The following HSPA14 variants were observed in gnomAD, a reference collection of about 807,000 sequenced individuals.
HSPA14 encodes the protein heat shock protein family A (Hsp70) member 14, also known as heat shock 70 kDa protein 14.
In HSPA14, 37 loss-of-function variants were observed where a neutral mutation model predicts 65.5. The observed-to-expected ratio is 0.56, with a 90% CI of 0.43 to 0.74. The LOEUF is 0.74. HSPA14 is among the 30% of genes least tolerant of loss of function. HSPA14 has a pLI of 0.00. For synonymous variants in HSPA14, 203 were observed against 214.2 expected (o/e 0.95, Z 0.46); for missense variants, 564 against 607.6 (o/e 0.93, Z 0.75).
intron 12 of HSPA14, among the ~76,000 whole-genome samples, chr10:14,868,654 G>C (rs1355414291): frequency 6.6e-6 from 1 of 152,140 alleles, no homozygotes; most frequent in African/African-American, 2.4e-5. Flanking sequence ...CATTTATACA[G>C]AAAATATCTA....
Position 14,870,669 on chromosome 10 carries a change from T to TA in HSPA14, c.1451+8dup. On this transcript the variant is annotated splice_region_variant and intron_variant, in intron 13 of 13. Coordinates refer to ENST00000378372, the MANE Select transcript of HSPA14 (RefSeq NM_016299.4). ...ATTAGCTGTTCTTACTATGAAAAGG[T>TA]AAAAAATTAAACTTCTGTTGTTAAG... 6.4e-7 allele frequency: 1 copy of TA among 1,557,746 alleles called. No individual in the cohort carries two copies. The highest frequency in any genetic ancestry group is 1.4e-5 in the African/African-American group (1 of 73,110).
Position 14,867,803 on chromosome 10 carries a change from G to T in HSPA14, c.1274G>T (p.Arg425Leu), listed in dbSNP as rs369860646. Residue 425 changes from arginine (R) to leucine (L), a missense_variant, in exon 12 of 14, where the codon CGA becomes CTA. By Grantham distance (102) the Arg-to-Leu change is moderately radical (BLOSUM62 -2). Coordinates refer to ENST00000378372, the MANE Select transcript of HSPA14 (RefSeq NM_016299.4). ...LFPSGTPLPA[R>L]RQHTLQAPGS... ...CCATCAGGGACTCCTTTGCCAGCTC[G>T]AAGACAACACACATTGCAAGCCCCT... 2 of 1,614,068 alleles carry T rather than the reference G, an allele frequency of 1.2e-6. No homozygotes were observed. The highest frequency in any genetic ancestry group is 3.3e-5 in the Admixed American group (2 of 60,012).
Position 14,867,857 on chromosome 10 carries a change from T to C in HSPA14, c.1328T>C (p.Leu443Pro). 1 of 1,614,106 alleles carries C rather than the reference T, an allele frequency of 6.2e-7. No individual in the cohort carries two copies. The highest frequency in any genetic ancestry group is 8.5e-7 in the Non-Finnish European group (1 of 1,180,004). The change falls in exon 12 of 14, where the codon CTC becomes CCC. Residue 443 changes from leucine (L) to proline (P), a missense_variant. Coordinates refer to ENST00000378372, the MANE Select transcript of HSPA14 (RefSeq NM_016299.4). ...PGSISSVCLELYESDGKNSAK... is the reference protein window; with the variant it reads ...PGSISSVCLEPYESDGKNSAK... ...AGCATATCTTCAGTGTGCCTTGAACTCTATGAGTCTGATGGGAAGAACTCT... is the reference window on the plus strand; with the variant it reads ...AGCATATCTTCAGTGTGCCTTGAACCCTATGAGTCTGATGGGAAGAACTCT...
intron 3 of HSPA14, chr10:14,845,621 TCTCAC>T: frequency 1.2e-6 from 1 of 818,248 alleles, no homozygotes; most frequent in Non-Finnish European, 1.5e-6. Flanking sequence ...TGAGAAAAAG[TCTCAC>T]TGTTTTGCCC....
In HSPA14 at chr10:14,871,604, T is replaced by TA. The variant is rs1271437123; in HGVS notation, c.1529dup (p.Ter510=). ...CEAISIEIAS[*] The stretch of plus-strand genomic sequence containing the variant: ...AGCAATCTCTATTGAGATAGCATCT[T>TA]AGTGTTTTAGAGAAATCAAGAATTT... Residue 510 remains the stop codon, a frameshift_variant and stop_retained_variant, in exon 14 of 14, where the codon TAG becomes TAAG. Transcript: ENST00000378372. LOFTEE classifies it high-confidence loss of function. The TA allele has an allele frequency of 4.6e-6, 7 of 1,534,090 alleles. No individual in the cohort carries two copies. Among genetic ancestry groups the TA allele is most frequent in the African/African-American group, 1.4e-5 (1 of 72,718 alleles).
chr10:14,844,587 TTC>T (rs902855975), intron 3 of HSPA14: 1 of 985,362 alleles, frequency 1.0e-6, no homozygotes, highest in Non-Finnish European at 1.2e-6. Context: ...CAAACCGTCT[TTC>T]TCTCCTTCAT....
rs765992437 is a variant in HSPA14 at position 14,867,719 on chromosome 10, T to C, written c.1207-17T>C. On this transcript the variant is annotated splice_polypyrimidine_tract_variant and intron_variant, in intron 11 of 13. Transcript: ENST00000378372. Reference sequence around the variant, plus strand: ...GATAAATACCAAAGAGTATGCACCTTGTTTCCTGCTAACTAGGGTGTGGAC... The same window carrying C: ...GATAAATACCAAAGAGTATGCACCTCGTTTCCTGCTAACTAGGGTGTGGAC... The C allele has an allele frequency of 1.9e-5, 30 of 1,605,466 alleles. No individual in the cohort carries two copies. The highest frequency in any genetic ancestry group is 2.5e-5 in the Non-Finnish European group (29 of 1,176,950).
At chr10:14,845,240 G>A in intron 3 of HSPA14, 3 of 985,032 alleles carry the variant, frequency 3.0e-6, no homozygotes, top group Non-Finnish European at 3.6e-6. Flanking sequence ...GATTTACTTA[G>A]TACTTTTAGG....
chr10:14,861,741 C>T (rs181593185), intron 10 of HSPA14, among the ~76,000 whole-genome samples: 179 of 152,190 alleles, frequency 1.2e-3, no homozygotes, highest in Non-Finnish European at 2.1e-3. Context: ...CAGCCAGGCT[C>T]GGTAGCTCAC....
intron 3 of HSPA14, chr10:14,846,860 T>A (rs1396785411): frequency 2.0e-6 from 2 of 985,254 alleles, no homozygotes; most frequent in Admixed American, 1.2e-4. Context: ...CTAATAAAGG[T>A]TGTGATACAC....
At chr10:14,841,427 ATGCTGC>A (rs1292693972) in intron 3 of HSPA14, among the ~76,000 whole-genome samples, 1 of 152,174 alleles carries the variant, frequency 6.6e-6, no homozygotes, top group Non-Finnish European at 1.5e-5. Context: ...GCAGTTTCCC[ATGCTGC>A]TGTGTAAGAA....
rs111379658 is a variant in HSPA14 at position 14,842,919 on chromosome 10, G to A, written c.221+2762G>A. On this transcript the variant is annotated intron_variant, in intron 3 of 13. Transcript: ENST00000378372. The surrounding 1 kb of genome is among the most constrained non-coding windows in gnomAD (Gnocchi z 5.2). ...CTAAACATTTAGCTGTGTCTGTTTG[G>A]ATAGTGTCCTCTTCAGCATAGTTCC... The A allele has an allele frequency of 1.9e-6, 2 of 1,074,894 alleles. No individual in the cohort carries two copies. Among genetic ancestry groups the A allele is most frequent in the South Asian group, 1.6e-5 (1 of 61,280 alleles). 66.6% of individuals were successfully genotyped at this position (1,074,894 alleles called of 1,614,324 possible). A position where few individuals can be genotyped will look rare whatever the true frequency, so the allele number is the denominator to read the frequency against.
rs1170036863 is a variant in HSPA14, at chr10:14,871,623, A to G, written c.*17A>G. The G allele has an allele frequency of 7.1e-7, 1 of 1,410,218 alleles. No individual in the cohort carries two copies. Among genetic ancestry groups the G allele is most frequent in the East Asian group, 2.3e-5 (1 of 43,520 alleles). The allele number at this position is 1,410,218 out of a possible 1,614,324, so 87.4% of individuals were successfully genotyped here. ...GCATCTTAGTGTTTTAGAGAAATCA[A>G]GAATTTTTAAAAACAAGAATATCAA... On this transcript the variant is annotated 3_prime_UTR_variant, in exon 14 of 14. Transcript: ENST00000378372.
intron 3 of HSPA14, chr10:14,843,494 G>A: frequency 6.4e-7 from 1 of 1,550,602 alleles, no homozygotes; most frequent in Non-Finnish European, 8.7e-7. Flanking sequence ...CCCTGCACCA[G>A]CACCAACCGC....
rs748099746 is a variant in HSPA14, at chr10:14,867,909, G to A, written c.1380G>A (p.Gln460=). 6 of 1,610,800 alleles carry A rather than the reference G, an allele frequency of 3.7e-6. No individual in the cohort carries two copies. In the Admixed American group the frequency reaches 8.5e-5, roughly 23 times the overall value. Reference sequence around the variant, plus strand: ...CCAAAGAGGAAACCAAGTTTGCACAGGTGAATACATAAAGTTAGACACATT... The same window carrying A: ...CCAAAGAGGAAACCAAGTTTGCACAAGTGAATACATAAAGTTAGACACATT... ...NSAKEETKFA[Q]VVLQDLDKKE... The change falls in exon 12 of 14, where the codon CAG becomes CAA. Residue 460 remains glutamine (Q), a splice_region_variant and synonymous_variant. Coordinates refer to ENST00000378372, the MANE Select transcript of HSPA14 (RefSeq NM_016299.4).
rs550791981 is a variant in HSPA14, at chr10:14,849,587, A to G, written c.377-134A>G. ...TCAGAGCGCAGAGAAGAAAATTGAC[A>G]CGGGGGCGGGGTGGGCAAGCAAGTG... On this transcript the variant is annotated intron_variant, in intron 5 of 13. Coordinates refer to ENST00000378372, the MANE Select transcript of HSPA14 (RefSeq NM_016299.4). 14 of 737,850 alleles carry G rather than the reference A, an allele frequency of 1.9e-5. No homozygotes were observed. The East Asian group carries it at 3.8e-4, about 20-fold the overall frequency. 45.7% of individuals were successfully genotyped at this position (737,850 alleles called of 1,614,324 possible). A position where few individuals can be genotyped will look rare whatever the true frequency, so the allele number is the denominator to read the frequency against.
Position 14,842,499 on chromosome 10 carries a change from T to C in HSPA14, c.221+2342T>C. On this transcript the variant is annotated intron_variant, in intron 3 of 13. Transcript: ENST00000378372. This position sits in a 1 kb window ranked among gnomAD's most constrained non-coding sequence, Gnocchi z 5.2. ...TCCAAGTTTAAAGTTCTGAAGGCAT[T>C]ATATTTAAAGGCCTATGTTGCCCAT... The C allele has an allele frequency of 6.5e-7, 1 of 1,536,138 alleles. No individual in the cohort carries two copies. The highest frequency in any genetic ancestry group is 1.2e-5 in the South Asian group (1 of 84,060).
Position 14,840,058 on chromosome 10 carries a change from A to G in HSPA14, c.139-17A>G. The G allele has an allele frequency of 8.4e-7, 1 of 1,184,152 alleles. No homozygotes were observed. The highest frequency in any genetic ancestry group is 1.1e-6 in the Non-Finnish European group (1 of 895,108). 73.4% of individuals were successfully genotyped at this position (1,184,152 alleles called of 1,614,324 possible). A position where few individuals can be genotyped will look rare whatever the true frequency, so the allele number is the denominator to read the frequency against. On this transcript the variant is annotated splice_polypyrimidine_tract_variant and intron_variant, in intron 2 of 13. Transcript: ENST00000378372. ...TACATTGTAATATATATATATATAT[A>G]TTATTTTTTTTTTCAGATTGTTGGA...
intron 9 of HSPA14, among the ~76,000 whole-genome samples, 189 bp from the exon 10 acceptor site, chr10:14,855,652 T>C (rs961924088): frequency 1.3e-5 from 2 of 152,202 alleles, no homozygotes; most frequent in Non-Finnish European, 1.5e-5. Flanking sequence ...CTCCATGATA[T>C]TGCATCACTC....
Sources: gnomAD v4.1 joint callset for allele counts (sites outside exome capture counted in the v4.1 genomes callset) on GRCh38, gnomAD v4.1.1 for gene constraint, Gnocchi (gnomAD v3.1) non-coding constraint, MANE v1.5 for transcripts, NCBI Gene and HGNC (gene_info 2026-07-23, HGNC 2026-07-21) for gene names.